FOXP1: variants seen among roughly 807,000 people sequenced by gnomAD.
FOXP1 encodes the protein forkhead box P1.
FOXP1 carries 15 observed loss-of-function variants against 98.2 expected under a neutral mutation model. The observed-to-expected ratio is 0.15, with a 90% CI of 0.10 to 0.24. The LOEUF is 0.24. FOXP1 is among the 10% of genes least tolerant of loss of function. The pLI, the probability that FOXP1 is intolerant of heterozygous loss-of-function variation, is 1.00. For missense variants in FOXP1, 633 were observed against 848.5 expected (o/e 0.75, Z 3.15); for synonymous variants, 371 against 314.5 (o/e 1.18, Z -1.90).
At chr3:71,304,288 A>ATTTTCACATG (rs2074094202) in intron 4 of FOXP1, among the ~76,000 whole-genome samples, 1 of 152,184 alleles carries the variant, frequency 6.6e-6, no homozygotes, top group African/African-American at 2.4e-5. Context: ...AGAAAAGGAA[A>ATTTTCACATG]ACCCTGGCCG....
intron 6 of FOXP1, among the ~76,000 whole-genome samples, chr3:71,126,863 A>AAAC (rs1553751149): frequency 7.3e-5 from 10 of 136,546 alleles, no homozygotes; most frequent in African/African-American, 2.7e-4. Flanking sequence ...AAGAAAAAAA[A>AAAC]AAACAAACAA....
At chr3:71,105,883 T>C (rs2057382077) in intron 7 of FOXP1, among the ~76,000 whole-genome samples, 1 of 152,196 alleles carries the variant, frequency 6.6e-6, no homozygotes, top group Non-Finnish European at 1.5e-5. Flanking sequence ...AACTGATTTT[T>C]GTTGGTTTCA....
At chr3:71,003,916 C>A (rs2042428622) in intron 12 of FOXP1, among the ~76,000 whole-genome samples, 1 of 151,964 alleles carries the variant, frequency 6.6e-6, no homozygotes, top group Admixed American at 6.6e-5. Context: ...CCATGTAGGT[C>A]ACTGTCACTA....
intron 4 of FOXP1, among the ~76,000 whole-genome samples, chr3:71,303,927 C>A (rs188466024): frequency 8.1e-4 from 123 of 152,254 alleles, no homozygotes; most frequent in Middle Eastern, 3.4e-3. Context: ...AGACCAGAGG[C>A]AAACTTGGAC....
chr3:70,974,039 T>A (rs2036964394), intron 17 of FOXP1, among the ~76,000 whole-genome samples: 1 of 152,098 alleles, frequency 6.6e-6, no homozygotes, highest in Non-Finnish European at 1.5e-5. Context: ...GAGACAAGTT[T>A]TTTAATGCAT....
chr3:71,145,565 C>CA lies in FOXP1; in HGVS notation c.181-32929dup, dbSNP rs1037072405. On this transcript the variant is annotated intron_variant, in intron 6 of 20. Coordinates refer to ENST00000649528, the MANE Select transcript of FOXP1 (RefSeq NM_001349338.3). The stretch of plus-strand genomic sequence containing the variant: ...TCAAAAAAACAAAAACAAAACAAAA[C>CA]AAAAAAAACTGCCCAGCTGTTTTCC... 6.6e-5 allele frequency among the ~76,000 whole-genome samples: 10 copies of CA among 151,994 alleles called. No individual in the cohort carries two copies. The South Asian group carries it at 1.0e-3, about 16-fold the overall frequency.
At chr3:71,527,912 A>T (rs775596795) in intron 2 of FOXP1, among the ~76,000 whole-genome samples, 2 of 152,192 alleles carry the variant, frequency 1.3e-5, no homozygotes, top group Non-Finnish European at 2.9e-5. Flanking sequence ...ACACTTTGCC[A>T]TATTTATTTG....
intron 4 of FOXP1, among the ~76,000 whole-genome samples, chr3:71,309,262 T>C (rs2074520743): frequency 6.6e-6 from 1 of 152,172 alleles, no homozygotes; most frequent in African/African-American, 2.4e-5. Context: ...CCTGAATTAA[T>C]ATAAAATATG....
intron 7 of FOXP1, 90 bp from the exon 8 acceptor site, chr3:71,053,863 TAA>T: frequency 6.9e-7 from 1 of 1,445,626 alleles, no homozygotes. Context: ...TCAGCCTGCT[TAA>T]AGAGTTGACC....
At position 71,552,446 on chromosome 3, in the gene FOXP1, T is replaced by C. The variant is rs777074838; in HGVS notation, c.-298+29103A>G. The stretch of plus-strand genomic sequence containing the variant: ...TAAAAAGGAATACTTGAATAAATAA[T>C]TATATTAGTTTCCTGGATGAGCAGA... On this transcript the variant is annotated intron_variant, in intron 2 of 20. Coordinates refer to ENST00000649528, the MANE Select transcript of FOXP1 (RefSeq NM_001349338.3). 3.4e-4 allele frequency among the ~76,000 whole-genome samples: 52 copies of C among 152,038 alleles called. 1 individual carries two copies. Among genetic ancestry groups the C allele is most frequent in the Admixed American group, 5.9e-4 (9 of 15,280 alleles).
intron 3 of FOXP1, among the ~76,000 whole-genome samples, chr3:71,454,865 G>T (rs1424259949): frequency 6.6e-6 from 1 of 151,766 alleles, no homozygotes; most frequent in African/African-American, 2.4e-5. Context: ...TAGAATCACT[G>T]GCACTCAGGT....
chr3:71,139,673 G>GT (rs1192323697), intron 6 of FOXP1, among the ~76,000 whole-genome samples: 3 of 151,942 alleles, frequency 2.0e-5, no homozygotes, highest in African/African-American at 7.3e-5. Flanking sequence ...CACTGCTTTG[G>GT]TTCTATTACT....
At chr3:71,370,688 T>G (rs1172661311) in intron 3 of FOXP1, among the ~76,000 whole-genome samples, 3 of 152,100 alleles carry the variant, frequency 2.0e-5, no homozygotes, top group Non-Finnish European at 4.4e-5. Context: ...TGCCACTATC[T>G]GCCACAAACA....
chr3:71,532,285 C>T (rs986350487), intron 2 of FOXP1, among the ~76,000 whole-genome samples: 13 of 152,058 alleles, frequency 8.5e-5, no homozygotes, highest in Admixed American at 2.0e-4. Flanking sequence ...TTTGTAGAGA[C>T]GGGGTTTTGC....
intron 6 of FOXP1, among the ~76,000 whole-genome samples, chr3:71,166,339 A>C (rs1237532056): frequency 6.6e-6 from 1 of 152,190 alleles, no homozygotes; most frequent in African/African-American, 2.4e-5. Flanking sequence ...ATCATTAATG[A>C]CACCTGGAAA....
intron 3 of FOXP1, among the ~76,000 whole-genome samples, chr3:71,413,836 T>C (rs1338961797): frequency 6.6e-6 from 1 of 152,206 alleles, no homozygotes; most frequent in Non-Finnish European, 1.5e-5. Flanking sequence ...TAACATTTTA[T>C]ATATCTTTTC....
chr3:71,580,248 G>A (rs1245409764), intron 2 of FOXP1, among the ~76,000 whole-genome samples: 1 of 151,816 alleles, frequency 6.6e-6, no homozygotes, highest in Non-Finnish European at 1.5e-5. Flanking sequence ...AAGGGGGGTG[G>A]GGGATGCAGC....
chr3:71,358,654 T>C (rs2078338572), intron 4 of FOXP1, among the ~76,000 whole-genome samples: 1 of 152,108 alleles, frequency 6.6e-6, no homozygotes, highest in Admixed American at 6.5e-5. Flanking sequence ...CCCAGCGAGG[T>C]GTCAGGTTTA....
chr3:71,399,743 G>T (rs909316425), intron 3 of FOXP1, among the ~76,000 whole-genome samples: 2 of 152,154 alleles, frequency 1.3e-5, no homozygotes, highest in African/African-American at 2.4e-5. Flanking sequence ...AAGCAGTGTG[G>T]TCAAACATTA....
Sources: gnomAD v4.1 joint callset for allele counts (sites outside exome capture counted in the v4.1 genomes callset) on GRCh38, gnomAD v4.1.1 for gene constraint, MANE v1.5 for transcripts, NCBI Gene and HGNC (gene_info 2026-07-23, HGNC 2026-07-21) for gene names.